Variants in SHANK2 observed in about 807,000 individuals in gnomAD.
SHANK2 encodes the protein SH3 and multiple ankyrin repeat domains 2.
SHANK2 carries 43 observed loss-of-function variants against 133.7 expected under a neutral mutation model. The observed-to-expected ratio is 0.32, with a 90% confidence interval of 0.25 to 0.41. The LOEUF is 0.41. Ranked by LOEUF, SHANK2 falls within the 10% of genes least tolerant of loss-of-function variation. The pLI, the probability that SHANK2 is intolerant of heterozygous loss-of-function variation, is 1.00. For synonymous variants in SHANK2, 1,017 were observed against 952.8 expected (o/e 1.07, Z -1.24); for missense variants, 1,994 against 2,235.8 (o/e 0.89, Z 2.18).
intron 17 of SHANK2, among the ~76,000 whole-genome samples, chr11:70,522,836 G>T (rs1400668132): frequency 6.6e-6 from 1 of 152,180 alleles, no homozygotes; most frequent in Non-Finnish European, 1.5e-5. Flanking sequence ...GTGCAGAAGG[G>T]AAGCCGCCCC....
chr11:70,895,022 C>T (rs565802996), intron 11 of SHANK2, among the ~76,000 whole-genome samples: 100 of 152,332 alleles, frequency 6.6e-4, no homozygotes, highest in South Asian at 2.5e-3. Flanking sequence ...CTCTATAACG[C>T]GCTCATGGAG....
intron 1 of SHANK2, among the ~76,000 whole-genome samples, chr11:71,243,096 T>C (rs947478544): frequency 2.0e-5 from 3 of 152,148 alleles, no homozygotes. Context: ...TCTGTAAATG[T>C]CTATGTTAAA....
chr11:70,718,607 CA>C (rs781850277), intron 14 of SHANK2, among the ~76,000 whole-genome samples: 1 of 152,140 alleles, frequency 6.6e-6, no homozygotes, highest in African/African-American at 2.4e-5. Context: ...TCTCGGCTTT[CA>C]AATACTTCCC....
Position 71,149,621 on chromosome 11 carries a change from A to G in SHANK2, c.-12-2283T>C, listed in dbSNP as rs376152299. On this transcript the variant is annotated intron_variant, in intron 2 of 25. Transcript: ENST00000601538. ...CCCAGGTAGAGAGGAGGGTAGTAGG[A>G]AAAGAAATTTCTCCTCTGCAGGGGG... Among the ~76,000 whole-genome samples, 10 of 151,782 alleles carry G rather than the reference A, an allele frequency of 6.6e-5. No homozygotes were observed. The South Asian group carries it at 2.1e-3, about 32-fold the overall frequency.
In SHANK2 at chr11:70,535,220, CAT is replaced by C. The variant is rs2059528432; in HGVS notation, c.2062-32291_2062-32290del. The stretch of plus-strand genomic sequence containing the variant: ...TCTGCTCACCTAATCCATCTTCCCA[CAT>C]GAGTCAGTCCATCCATCGCTCTATC... On this transcript the variant is annotated intron_variant, in intron 17 of 25. Transcript: ENST00000601538. This position sits in a 1 kb window ranked among gnomAD's most constrained non-coding sequence, Gnocchi z 4.3. Among the ~76,000 whole-genome samples the C allele has an allele frequency of 1.3e-5, 2 of 152,198 alleles. No homozygotes were observed. The highest frequency in any genetic ancestry group is 2.9e-5 in the Non-Finnish European group (2 of 68,042).
chr11:70,670,441 G>A (rs938843824), intron 15 of SHANK2, among the ~76,000 whole-genome samples: 5 of 152,212 alleles, frequency 3.3e-5, no homozygotes, highest in Admixed American at 6.5e-5. Flanking sequence ...ATGCCAGCTC[G>A]GGCGCTTTGG....
chr11:71,182,139 T>C (rs1360189537), intron 2 of SHANK2, among the ~76,000 whole-genome samples: 1 of 151,088 alleles, frequency 6.6e-6, no homozygotes, highest in Non-Finnish European at 1.5e-5. Flanking sequence ...GCATCTTCTT[T>C]AGGCAAAAAA....
At chr11:70,765,886 G>A (rs1371480671) in intron 14 of SHANK2, among the ~76,000 whole-genome samples, 1 of 152,184 alleles carries the variant, frequency 6.6e-6, no homozygotes, top group Non-Finnish European at 1.5e-5. Context: ...CTCTGAAATT[G>A]GGAGGAAGTA....
intron 17 of SHANK2, among the ~76,000 whole-genome samples, chr11:70,652,089 G>T (rs187441569): frequency 6.6e-6 from 1 of 152,396 alleles, no homozygotes; most frequent in East Asian, 1.9e-4. Flanking sequence ...TTTGCTGCTA[G>T]AGGGCAAAGT....
intron 2 of SHANK2, among the ~76,000 whole-genome samples, chr11:71,173,106 C>T (rs113905850): frequency 3.7e-4 from 57 of 152,294 alleles, no homozygotes; most frequent in African/African-American, 1.3e-3. Flanking sequence ...ATAAATCACG[C>T]CTTGTTTGAT....
chr11:70,500,193 G>A lies in SHANK2; in HGVS notation c.2308+377C>T, dbSNP rs1236074477. ...ATGGGTGATTTCCGGGCCTTAAAGG[G>A]AGGCAGTTCCTGCCCACCACAAAGG... On this transcript the variant is annotated intron_variant, in intron 21 of 25. Transcript: ENST00000601538. The surrounding 1 kb of genome is among the most constrained non-coding windows in gnomAD (Gnocchi z 4.5). Among the ~76,000 whole-genome samples, 5 of 152,112 alleles carry A rather than the reference G, an allele frequency of 3.3e-5. No homozygotes were observed. Among genetic ancestry groups the A allele is most frequent in the African/African-American group, 9.7e-5 (4 of 41,420 alleles).
At chr11:71,100,601 G>A (rs1555096452) in intron 6 of SHANK2, among the ~76,000 whole-genome samples, 1 of 152,196 alleles carries the variant, frequency 6.6e-6, no homozygotes, top group Non-Finnish European at 1.5e-5. Context: ...AGGCACAGTG[G>A]TTCACACCTG....
At chr11:70,556,219 G>A (rs2059826995) in intron 17 of SHANK2, among the ~76,000 whole-genome samples, 1 of 152,136 alleles carries the variant, frequency 6.6e-6, no homozygotes, top group South Asian at 2.1e-4. Flanking sequence ...TGCCTCGATA[G>A]CCATTTCTTT....
intron 17 of SHANK2, among the ~76,000 whole-genome samples, chr11:70,527,626 C>T (rs2059415599): frequency 6.6e-6 from 1 of 152,196 alleles, no homozygotes; most frequent in Non-Finnish European, 1.5e-5. Flanking sequence ...CCTGGAGCCC[C>T]CGTGGTGGTG....
At chr11:70,937,037 C>G (rs1300687136) in intron 10 of SHANK2, among the ~76,000 whole-genome samples, 1 of 152,134 alleles carries the variant, frequency 6.6e-6, no homozygotes, top group African/African-American at 2.4e-5. Context: ...GTTGGAAGAC[C>G]GAGATTTGTA....
chr11:70,862,803 G>T, intron 11 of SHANK2: 2 of 279,954 alleles, frequency 7.1e-6, no homozygotes, highest in Non-Finnish European at 1.4e-5. Context: ...TGGATCCTTT[G>T]GGATTCCCCC....
chr11:70,896,537 C>T lies in SHANK2; in HGVS notation c.1138G>A (p.Ala380Thr), dbSNP rs1355852354. Residue 380 changes from alanine to threonine, a missense_variant, in exon 11 of 26, where the codon GCA becomes ACA. By Grantham distance (58) the Ala-to-Thr change is moderately conservative. This residue lies in a region of SHANK2 where 653 missense variants were observed against 563.4 expected (regional missense o/e 1.16). Coordinates refer to ENST00000601538, the MANE Select transcript of SHANK2 (RefSeq NM_012309.5). ...VAIIAGNFEL[A>T]EYIKNHKETD... ...TCCTTGTGGTTCTTGATGTATTCTG[C>T]CAGCTCAAAGTTGCCTGCTATTATG... The T allele has an allele frequency of 2.8e-6, 2 of 718,730 alleles. No individual in the cohort carries two copies. The highest frequency in any genetic ancestry group is 3.5e-5 in the African/African-American group (2 of 57,236). 44.5% of individuals were successfully genotyped at this position (718,730 alleles called of 1,614,324 possible).
chr11:70,585,124 C>T (rs543821332), intron 17 of SHANK2, among the ~76,000 whole-genome samples: 73 of 152,354 alleles, frequency 4.8e-4, no homozygotes, highest in African/African-American at 1.1e-3. Flanking sequence ...GGCCACAGCA[C>T]GCCCACTCTG....
At chr11:70,681,147 G>C (rs1197633994) in intron 15 of SHANK2, among the ~76,000 whole-genome samples, 6 of 152,174 alleles carry the variant, frequency 3.9e-5, no homozygotes, top group African/African-American at 1.4e-4. Flanking sequence ...CACCTGCTGG[G>C]AGGGTCCTGC....
Sources: gnomAD v4.1 joint callset for allele counts (sites outside exome capture counted in the v4.1 genomes callset) on GRCh38, gnomAD v4.1.1 for gene constraint, gnomAD v4.1.1 regional missense constraint, Gnocchi (gnomAD v3.1) non-coding constraint, MANE v1.5 for transcripts, NCBI Gene and HGNC (gene_info 2026-07-23, HGNC 2026-07-21) for gene names.